Variants in GOLGB1 observed in about 807,000 individuals in gnomAD.
GOLGB1 encodes golgin subfamily B member 1.
Under a neutral mutation model 336.9 loss-of-function variants are expected in GOLGB1, and 174 were observed. That is an observed-to-expected ratio of 0.52 (90% CI 0.46 to 0.59). The LOEUF (loss-of-function observed/expected upper bound fraction) is 0.59. GOLGB1 is among the 20% of genes least tolerant of loss of function. The pLI is 0.00. For missense variants in GOLGB1, 3,331 were observed against 3,645.3 expected (o/e 0.91, Z 2.22); for synonymous variants, 1,208 against 1,289.2 (o/e 0.94, Z 1.35).
chr3:121,706,696 T>C (rs1386310483), intron 10 of GOLGB1, among the ~76,000 whole-genome samples: 1 of 112,508 alleles, frequency 8.9e-6, no homozygotes, highest in Non-Finnish European at 1.6e-5. Flanking sequence ...ATTGCGCCAC[T>C]GCACTCCAGC....
chr3:121,692,557 C>T lies in GOLGB1; in HGVS notation c.6807G>A (p.Trp2269Ter). ...GGACCTCTGTCTGGGCCTTGGACTC[C>T]CAAATCTGCTTGTCATGTTCAAGCC... The part of the protein sequence containing the change: ...ISRLEHDKQI[W>*]ESKAQTEVQL... Residue 2269 changes from tryptophan to a stop codon, truncating the protein, a stop_gained, in exon 14 of 22, where the codon TGG (tryptophan) becomes TGA (stop). Transcript: ENST00000614479. LOFTEE classifies it high-confidence loss of function. The T allele has an allele frequency of 1.3e-6, 2 of 1,586,042 alleles. No individual in the cohort carries two copies. Among genetic ancestry groups the T allele is most frequent in the Non-Finnish European group, 1.7e-6 (2 of 1,170,582 alleles).
In GOLGB1 at chr3:121,690,922, C is replaced by T. The variant is rs750636696; in HGVS notation, c.8442G>A (p.Gln2814=). The stretch of plus-strand genomic sequence containing the variant: ...GCAATTGCTCATCTTTGGATAGGAG[C>T]TGTTGGTTAAGTTTCTCAAGGTGAG... The part of the protein sequence containing the change: ...SLSHLEKLNQ[Q]LLSKDEQLLH... Residue 2814 remains glutamine (Q), a synonymous_variant, in exon 14 of 22, where the codon CAG becomes CAA. Transcript: ENST00000614479. The T allele has an allele frequency of 1.9e-6, 3 of 1,614,124 alleles. No homozygotes were observed. The highest frequency in any genetic ancestry group is 1.3e-5 in the African/African-American group (1 of 75,058).
intron 4 of GOLGB1, among the ~76,000 whole-genome samples, chr3:121,727,418 A>G (rs1475726757): frequency 6.8e-6 from 1 of 147,700 alleles, no homozygotes; most frequent in Non-Finnish European, 1.5e-5. Flanking sequence ...AATACTGGAG[A>G]GCAACCAAAA....
In GOLGB1 at chr3:121,697,337, T is replaced by G. The variant is rs750135263; in HGVS notation, c.3186A>C (p.Glu1062Asp). The G allele has an allele frequency of 5.6e-6, 9 of 1,613,542 alleles. No individual in the cohort carries two copies. Among genetic ancestry groups the G allele is most frequent in the East Asian group, 4.5e-5 (2 of 44,890 alleles). ...TTGTCTGTTTTAAATAAATTTCTAT[T>G]TCTTGGCACTTAGAAGTCACACATT... ...SEKCVTSKCQ[E>D]IEIYLKQTIS... Residue 1062 changes from glutamate (E) to aspartate (D), a missense_variant, in exon 13 of 22, where the codon GAA becomes GAC. Physicochemically the swap from Glu to Asp is conservative, Grantham distance 45. Transcript: ENST00000614479.
chr3:121,718,531 G>A, intron 7 of GOLGB1, 30 bp from the exon 8 acceptor site: 1 of 1,330,500 alleles, frequency 7.5e-7, no homozygotes, highest in Non-Finnish European at 1.1e-6. Flanking sequence ...GACATAATAT[G>A]CTAACAAATG....
In GOLGB1 at chr3:121,681,696, T is replaced by C. The variant is rs1941092928; in HGVS notation, c.8864A>G (p.His2955Arg). ...QENLSWQHELHQLRMEKSSWE... is the reference protein window; with the variant it reads ...QENLSWQHELRQLRMEKSSWE... ...GGATTATATATAGTACCTGAGCTGA[T>C]GCAGCTCATGCTGCCAGGAGAGGTT... Residue 2955 changes from histidine (H) to arginine (R), a missense_variant, in exon 15 of 22, where the codon CAT becomes CGT. His to Arg is a conservative substitution (Grantham distance 29). Coordinates refer to ENST00000614479, the MANE Select transcript of GOLGB1 (RefSeq NM_001366282.2). 13 of 1,588,108 alleles carry C rather than the reference T, an allele frequency of 8.2e-6. No individual in the cohort carries two copies. Among genetic ancestry groups the C allele is most frequent in the Non-Finnish European group, 1.0e-5 (12 of 1,160,000 alleles).
chr3:121,747,387 A>ATATATATACATATATACGTATATATATG (rs1164412483), intron 1 of GOLGB1, among the ~76,000 whole-genome samples: 1 of 145,550 alleles, frequency 6.9e-6, no homozygotes, highest in East Asian at 2.0e-4. Flanking sequence ...CTATATACGT[A>ATATATATACATATATACGTATATATATG]TATATATACA....
intron 14 of GOLGB1, among the ~76,000 whole-genome samples, chr3:121,685,012 A>T (rs1941566278): frequency 6.6e-6 from 1 of 152,236 alleles, no homozygotes; most frequent in Non-Finnish European, 1.5e-5. Flanking sequence ...AGATGTGGAC[A>T]AATGGCAGTA....
chr3:121,714,850 C>A lies in GOLGB1; in HGVS notation c.1404+11G>T. 4 of 1,472,312 alleles carry A rather than the reference C, an allele frequency of 2.7e-6. No individual in the cohort carries two copies. In the African/African-American group the frequency reaches 4.1e-5, roughly 15 times the overall value. 91.2% of individuals were successfully genotyped at this position (1,472,312 alleles called of 1,614,324 possible). On this transcript the variant is annotated intron_variant, in intron 10 of 21. Transcript: ENST00000614479. ...ACAGTTAATATTCATAAGAAGTTCA[C>A]ATTTAATTACCTGTGTGCCCTCATT...
chr3:121,668,227 G>A, intron 18 of GOLGB1, 69 bp from the exon 19 acceptor site: 3 of 888,974 alleles, frequency 3.4e-6, no homozygotes, highest in Non-Finnish European at 5.4e-6. Flanking sequence ...AGCAAAATGA[G>A]AGCTCGTTTA....
intron 1 of GOLGB1, among the ~76,000 whole-genome samples, chr3:121,748,356 G>A (rs1405518243): frequency 6.6e-6 from 1 of 152,128 alleles, no homozygotes; most frequent in African/African-American, 2.4e-5. Flanking sequence ...ACAACATTTG[G>A]GGAGATGCAT....
At chr3:121,704,646 CACGCCTGTA>C (rs1943663324) in intron 10 of GOLGB1, among the ~76,000 whole-genome samples, 1 of 151,820 alleles carries the variant, frequency 6.6e-6, no homozygotes. Flanking sequence ...CGTGGTGACT[CACGCCTGTA>C]ATCCCAGCTA....
At chr3:121,734,201 C>G (rs1162617507) in intron 1 of GOLGB1, among the ~76,000 whole-genome samples, 2 of 151,964 alleles carry the variant, frequency 1.3e-5, no homozygotes, top group East Asian at 3.9e-4. Flanking sequence ...ACCAGCCTGG[C>G]CAACATGGCA....
chr3:121,722,158 AC>A (rs1460222135), intron 6 of GOLGB1, 103 bp downstream of exon 6: 26 of 698,846 alleles, frequency 3.7e-5, no homozygotes, highest in Middle Eastern at 4.9e-4. Flanking sequence ...ATGCTACTAT[AC>A]TTTTATCTAC....
rs571337112 is a variant in GOLGB1, at chr3:121,664,894, A to G, written c.9660+32T>C. On this transcript the variant is annotated intron_variant, in intron 21 of 21. Coordinates refer to ENST00000614479, the MANE Select transcript of GOLGB1 (RefSeq NM_001366282.2). The stretch of plus-strand genomic sequence containing the variant: ...GTATAGCCAGCCCTGTCAGATAATA[A>G]AACACCCTCTCTTTATCCTTCTTCC... 5.3e-5 allele frequency: 70 copies of G among 1,319,002 alleles called. No homozygotes were observed. The South Asian group carries it at 6.2e-4, about 12-fold the overall frequency. The allele number at this position is 1,319,002 out of a possible 1,614,324, so 81.7% of individuals were successfully genotyped here.
At chr3:121,684,042 C>G (rs997891639) in intron 14 of GOLGB1, among the ~76,000 whole-genome samples, 2 of 146,938 alleles carry the variant, frequency 1.4e-5, no homozygotes, top group Admixed American at 7.0e-5. Context: ...GCAGGAGAAT[C>G]GCTTGAATTC....
chr3:121,666,386 G>A (rs1382612123), intron 20 of GOLGB1, among the ~76,000 whole-genome samples: 1 of 152,128 alleles, frequency 6.6e-6, no homozygotes, highest in Non-Finnish European at 1.5e-5. Flanking sequence ...ACACAAGAGG[G>A]AGATCAACCT....
At position 121,692,484 on chromosome 3, in the gene GOLGB1, G is replaced by T; in HGVS notation, c.6880C>A (p.Leu2294Ile). ...CGTGTCTCTTCTAGCTGGGACAAAA[G>T]TTCTTTGTTTTCCCCCTGTAGAGTA... ...CDTLQGENKE[L>I]LSQLEETRHL... Residue 2294 changes from leucine to isoleucine, a missense_variant, in exon 14 of 22, where the codon CTT becomes ATT. Coordinates refer to ENST00000614479, the MANE Select transcript of GOLGB1 (RefSeq NM_001366282.2). 9 of 1,613,930 alleles carry T rather than the reference G, an allele frequency of 5.6e-6. No individual in the cohort carries two copies. The Admixed American group carries it at 1.3e-4, about 24-fold the overall frequency.
At chr3:121,687,518 A>G (rs1170459594) in intron 14 of GOLGB1, among the ~76,000 whole-genome samples, 3 of 152,196 alleles carry the variant, frequency 2.0e-5, no homozygotes, top group Non-Finnish European at 2.9e-5. Context: ...AAATAAAAAT[A>G]CTTGAGGCAC....
Sources: allele counts gnomAD v4.1 joint callset (sites outside exome capture counted in the v4.1 genomes callset), GRCh38; gene constraint gnomAD v4.1.1; transcripts MANE v1.5; gene names NCBI Gene and HGNC (gene_info 2026-07-23, HGNC 2026-07-21).